ACLY: variants seen among roughly 807,000 people sequenced by gnomAD.
ACLY encodes the protein ATP citrate lyase, also known as ATP-citrate synthase.
ACLY carries 41 observed loss-of-function variants against 133.0 expected under a neutral mutation model. The ratio of observed to expected loss-of-function variants is 0.31; its 90% confidence interval spans 0.24 to 0.40. The LOEUF (loss-of-function observed/expected upper bound fraction) is 0.40, where lower values mean the gene tolerates loss of function less well. ACLY is among the 10% of genes least tolerant of loss of function. The pLI is 1.00. For synonymous variants in ACLY, 495 were observed against 549.3 expected (o/e 0.90, Z 1.38); for missense variants, 1,046 against 1,453.8 (o/e 0.72, Z 4.56).
rs1555628094 is a variant in ACLY, at chr17:41,886,157, C to G, written c.2027G>C (p.Arg676Pro). Residue 676 changes from arginine (R) to proline (P), a missense_variant, in exon 18 of 29, where the codon CGG becomes CCG. Physicochemically the swap from Arg to Pro is moderately radical, Grantham distance 103. Transcript: ENST00000352035. ...GCCCTCATAGACGCCATCCGTGGTC[C>G]GAGAGATGATATTGTTGAGCTCGTT... is the stretch of plus-strand genomic sequence containing the variant. ...MSNELNNIIS[R>P]TTDGVYEGVA... 6.2e-7 allele frequency: 1 copy of G among 1,614,090 alleles called. No individual in the cohort carries two copies. Among genetic ancestry groups the G allele is most frequent in the Non-Finnish European group, 8.5e-7 (1 of 1,179,992 alleles).
chr17:41,918,308 G>T (rs2050110582), intron 1 of ACLY, among the ~76,000 whole-genome samples: 1 of 152,336 alleles, frequency 6.6e-6, no homozygotes, highest in East Asian at 1.9e-4. Context: ...GCGAGGCCTC[G>T]GGCACCCTGG....
chr17:41,881,464 G>T (rs889570131), intron 20 of ACLY, among the ~76,000 whole-genome samples: 22 of 149,872 alleles, frequency 1.5e-4, no homozygotes, highest in Non-Finnish European at 1.5e-4. Context: ...CAGCTTCATG[G>T]AATAAGCGGA....
chr17:41,889,633 A>C (rs933285733), intron 16 of ACLY, among the ~76,000 whole-genome samples: 2 of 150,764 alleles, frequency 1.3e-5, no homozygotes, highest in African/African-American at 2.4e-5. Context: ...TCCAGTCATA[A>C]ACTGAAATAA....
intron 13 of ACLY, 118 bp downstream of exon 13, chr17:41,897,631 A>G: frequency 3.0e-6 from 3 of 990,996 alleles, no homozygotes; most frequent in Non-Finnish European, 4.4e-6. Context: ...CCATTGCAAA[A>G]CCCAAACCGC....
In ACLY at chr17:41,878,172, G is replaced by C; in HGVS notation, c.2418C>G (p.Ala806=). 8 of 1,595,506 alleles carry C rather than the reference G, an allele frequency of 5.0e-6. No individual in the cohort carries two copies. Among genetic ancestry groups the C allele is most frequent in the Non-Finnish European group, 6.8e-6 (8 of 1,171,276 alleles). The change falls in exon 22 of 29, where the codon GCC becomes GCG. Residue 806 remains alanine, a synonymous_variant. Transcript: ENST00000352035. The part of the protein sequence containing the change: ...IIQSVYEDLV[A]NGVIVPAQEV... Reference sequence around the variant, plus strand: ...CCTGGGCAGGTACAATGACTCCATTGGCCACGAGATCTTCGTATACAGACC... The same window carrying C: ...CCTGGGCAGGTACAATGACTCCATTCGCCACGAGATCTTCGTATACAGACC...
At chr17:41,919,117 G>A, upstream of ACLY, 1 of 1,162,704 alleles carries the variant, frequency 8.6e-7, no homozygotes, top group Non-Finnish European at 1.1e-6. Flanking sequence ...GCCCCACGAG[G>A]GCGGGCCCCG....
At chr17:41,877,346 T>C (rs1475238966) in intron 22 of ACLY, among the ~76,000 whole-genome samples, 4 of 150,362 alleles carry the variant, frequency 2.7e-5, no homozygotes, top group African/African-American at 9.7e-5. Context: ...TTTCACCATG[T>C]TGGCCAGCCT....
chr17:41,916,425 G>A (rs899684425), intron 1 of ACLY, among the ~76,000 whole-genome samples: 4 of 151,332 alleles, frequency 2.6e-5, no homozygotes, highest in African/African-American at 4.9e-5. Context: ...CCAGGCTGGC[G>A]TGCAGTGGAG....
intron 20 of ACLY, among the ~76,000 whole-genome samples, chr17:41,879,603 C>G (rs1368819258): frequency 9.0e-6 from 1 of 110,730 alleles, no homozygotes; most frequent in Admixed American, 1.3e-4. Flanking sequence ...GCCAAGATTG[C>G]GCCACTGCAC....
At chr17:41,876,291 G>A (rs1383074258) in intron 22 of ACLY, among the ~76,000 whole-genome samples, 3 of 149,044 alleles carry the variant, frequency 2.0e-5, no homozygotes, top group Non-Finnish European at 4.4e-5. Context: ...GAGGGAGGTG[G>A]GGGGGTCAGC....
intron 26 of ACLY, 130 bp from the exon 27 acceptor site, chr17:41,869,255 A>G (rs1242998528): frequency 2.2e-6 from 2 of 921,110 alleles, no homozygotes; most frequent in Non-Finnish European, 3.4e-6. Flanking sequence ...CCACTGGTCG[A>G]CACTGTGTCT....
In ACLY at chr17:41,871,701, G is replaced by A; in HGVS notation, c.2925C>T (p.His975=). 6.2e-7 allele frequency: 1 copy of A among 1,613,984 alleles called. No homozygotes were observed. The highest frequency in any genetic ancestry group is 8.5e-7 in the Non-Finnish European group (1 of 1,180,002). ...AGTAACAACTCACCGACTTCACTCG[G>A]TGACCAATGCCCATGATCAGCTTCC... ...KEGKLIMGIG[H]RVKSINNPDM... is the part of the protein sequence containing the mutation. The change falls in exon 25 of 29, where the codon CAC becomes CAT. Residue 975 remains histidine (H), a synonymous_variant. Transcript: ENST00000352035.
At chr17:41,897,927 G>A (rs370144097) in intron 12 of ACLY, 88 bp from the exon 13 acceptor site, 16 of 1,200,770 alleles carry the variant, frequency 1.3e-5, no homozygotes, top group African/African-American at 7.7e-5. Context: ...AAGAAAACTC[G>A]TAATAAAAAT....
intron 20 of ACLY, among the ~76,000 whole-genome samples, chr17:41,881,013 G>A (rs1281629248): frequency 6.6e-6 from 1 of 152,066 alleles, no homozygotes; most frequent in Non-Finnish European, 1.5e-5. Context: ...GGGTGGAAAG[G>A]GGGAGGGGCT....
intron 18 of ACLY, among the ~76,000 whole-genome samples, chr17:41,885,741 G>A (rs1555628045): frequency 6.6e-6 from 1 of 152,126 alleles, no homozygotes; most frequent in Non-Finnish European, 1.5e-5. Context: ...TAAGTAACCG[G>A]ACCAGGATGG....
In ACLY at chr17:41,912,556, G is replaced by A. The variant is rs372910517; in HGVS notation, c.160-14C>T. 54 of 1,613,980 alleles carry A rather than the reference G, an allele frequency of 3.3e-5. 1 individual carries two copies. Among genetic ancestry groups the A allele is most frequent in the South Asian group, 2.6e-4 (24 of 91,046 alleles). On this transcript the variant is annotated splice_polypyrimidine_tract_variant and intron_variant, in intron 2 of 28. Coordinates refer to ENST00000352035, the MANE Select transcript of ACLY (RefSeq NM_001096.3). ...GACTACCAAGTTCTGGAACAAAAGC[G>A]GTTTGTATTTAGAGTGAGGAAGAAT...
At chr17:41,894,575 A>C (rs1324804241) in intron 14 of ACLY, among the ~76,000 whole-genome samples, 1 of 151,790 alleles carries the variant, frequency 6.6e-6, no homozygotes, top group Non-Finnish European at 1.5e-5. Context: ...AACAACAAAG[A>C]AAAACCTTCC....
chr17:41,901,674 A>C, intron 11 of ACLY, 22 bp downstream of exon 11: 40 of 1,588,168 alleles, frequency 2.5e-5, no homozygotes, highest in Middle Eastern at 1.7e-4. Context: ...GGTGAGGGGG[A>C]GAGAAAAGGT....
intron 20 of ACLY, among the ~76,000 whole-genome samples, chr17:41,879,947 C>G (rs2048873170): frequency 6.6e-6 from 1 of 152,052 alleles, no homozygotes; most frequent in Admixed American, 6.6e-5. Flanking sequence ...CCAGGCTGGT[C>G]TCCAACTCCT....
Sources: gnomAD v4.1 joint callset for allele counts (sites outside exome capture counted in the v4.1 genomes callset) on GRCh38, gnomAD v4.1.1 for gene constraint, MANE v1.5 for transcripts, NCBI Gene and HGNC (gene_info 2026-07-23, HGNC 2026-07-21) for gene names.